Variants in HS3ST3A1 observed in about 807,000 individuals in gnomAD.
The protein encoded by HS3ST3A1 is heparan sulfate-glucosamine 3-sulfotransferase 3A1, also known as heparan sulfate glucosamine 3-O-sulfotransferase 3A1.
Under a neutral mutation model 25.7 loss-of-function variants are expected in HS3ST3A1, and 19 were observed. The observed-to-expected ratio is 0.74, with a 90% CI of 0.52 to 1.08. HS3ST3A1 has a LOEUF of 1.08. Ranked by LOEUF, HS3ST3A1 falls within the 50% of genes least tolerant of loss-of-function variation. The probability of loss-of-function intolerance (pLI) is 0.00; values close to 1 mark genes in which losing one functional copy is unlikely to be tolerated. For missense variants in HS3ST3A1, 459 were observed against 594.3 expected (o/e 0.77, Z 2.37); for synonymous variants, 226 against 278.6 (o/e 0.81, Z 1.88).
At chr17:13,577,068 G>A (rs868606942) in intron 1 of HS3ST3A1, among the ~76,000 whole-genome samples, 27 of 152,324 alleles carry the variant, frequency 1.8e-4, no homozygotes, top group African/African-American at 6.5e-4. Flanking sequence ...ACAAGAGGGC[G>A]TGTGCAGGGG....
At chr17:13,539,392 G>A (rs554438880) in intron 1 of HS3ST3A1, among the ~76,000 whole-genome samples, 24 of 152,326 alleles carry the variant, frequency 1.6e-4, no homozygotes, top group African/African-American at 4.3e-4. Flanking sequence ...ACAGTCAACC[G>A]TACTAGCTCC....
chr17:13,567,353 G>A (rs112560374), intron 1 of HS3ST3A1, among the ~76,000 whole-genome samples: 2,596 of 152,210 alleles, frequency 0.017, 77 homozygotes, highest in African/African-American at 0.057. Flanking sequence ...AGATCTCTGA[G>A]GTATAAGATG....
At chr17:13,532,878 C>CGTGTGT (rs113095368) in intron 1 of HS3ST3A1, among the ~76,000 whole-genome samples, 2,404 of 139,318 alleles carry the variant, frequency 0.017, 61 homozygotes, top group African/African-American at 0.057. Flanking sequence ...AATACATATA[C>CGTGTGT]GTGTGTGTGT....
chr17:13,510,894 C>T (rs772788950), intron 1 of HS3ST3A1, among the ~76,000 whole-genome samples: 5 of 152,148 alleles, frequency 3.3e-5, no homozygotes, highest in Non-Finnish European at 5.9e-5. Flanking sequence ...AAAGGAGAAA[C>T]ATTTTGTCTC....
chr17:13,526,355 A>T (rs1906418629), intron 1 of HS3ST3A1, among the ~76,000 whole-genome samples: 1 of 150,978 alleles, frequency 6.6e-6, no homozygotes, highest in African/African-American at 2.4e-5. Context: ...TCCGTTACTG[A>T]CAGTGCTTTT....
intron 1 of HS3ST3A1, among the ~76,000 whole-genome samples, chr17:13,562,040 A>G (rs560805370): frequency 6.6e-6 from 1 of 152,154 alleles, no homozygotes; most frequent in East Asian, 1.9e-4. Context: ...TGTCCCTTAT[A>G]AACGGTTGAA....
chr17:13,496,526 A>T lies in HS3ST3A1; in HGVS notation c.892T>A (p.Trp298Arg). Residue 298 changes from tryptophan (W) to arginine (R), a missense_variant, in exon 2 of 2, where the codon TGG (tryptophan) becomes AGG (arginine). Trp to Arg is a moderately radical substitution (Grantham distance 101, BLOSUM62 -3). This residue lies in a region of HS3ST3A1 where 67 missense variants were observed against 231.4 expected (regional missense o/e 0.29). Coordinates refer to ENST00000284110, the MANE Select transcript of HS3ST3A1 (RefSeq NM_006042.3). ...IGIYAKHLEH[W>R]LRHFPIRQML... ...TGGCGGATGGGGAAGTGGCGCAGCC[A>T]GTGCTCCAGGTGCTTGGCGTAGATG... 1 of 1,498,074 alleles carries T rather than the reference A, an allele frequency of 6.7e-7. No individual in the cohort carries two copies. 92.8% of individuals were successfully genotyped at this position (1,498,074 alleles called of 1,614,324 possible).
chr17:13,588,169 C>G (rs996113795), intron 1 of HS3ST3A1, among the ~76,000 whole-genome samples: 2 of 152,052 alleles, frequency 1.3e-5, no homozygotes, highest in African/African-American at 4.8e-5. Context: ...ATTTACATAT[C>G]GTCTGTGGCT....
At chr17:13,533,722 C>T (rs1479493482) in intron 1 of HS3ST3A1, among the ~76,000 whole-genome samples, 3 of 152,002 alleles carry the variant, frequency 2.0e-5, no homozygotes, top group Non-Finnish European at 2.9e-5. Flanking sequence ...CAAAAAGAAA[C>T]AGAACCAAAC....
At chr17:13,578,412 A>C (rs1444186477) in intron 1 of HS3ST3A1, among the ~76,000 whole-genome samples, 1 of 143,988 alleles carries the variant, frequency 6.9e-6, no homozygotes, top group Non-Finnish European at 1.5e-5. Flanking sequence ...AAAAAAAAAA[A>C]ATTAGCTGGG....
At chr17:13,588,880 T>C (rs867349073) in intron 1 of HS3ST3A1, among the ~76,000 whole-genome samples, 23 of 152,144 alleles carry the variant, frequency 1.5e-4, no homozygotes, top group Non-Finnish European at 3.1e-4. Flanking sequence ...GAGACGGGGT[T>C]TCACCGTGTT....
At chr17:13,582,733 G>A (rs1468866753) in intron 1 of HS3ST3A1, among the ~76,000 whole-genome samples, 2 of 152,012 alleles carry the variant, frequency 1.3e-5, no homozygotes, top group Non-Finnish European at 2.9e-5. Flanking sequence ...TGATTTTCAT[G>A]CTTTCTTTCC....
At chr17:13,532,932 T>C (rs1906652919) in intron 1 of HS3ST3A1, among the ~76,000 whole-genome samples, 2 of 150,808 alleles carry the variant, frequency 1.3e-5, no homozygotes, top group Admixed American at 1.3e-4. Flanking sequence ...CACACATGCT[T>C]TGACTTATGA....
intron 1 of HS3ST3A1, among the ~76,000 whole-genome samples, chr17:13,503,336 A>G (rs1905549713): frequency 6.6e-6 from 1 of 152,228 alleles, no homozygotes; most frequent in African/African-American, 2.4e-5. Context: ...ACAGCTAGAT[A>G]GGAGGAATAA....
Position 13,496,679 on chromosome 17 carries a change from T to A in HS3ST3A1, c.739A>T (p.Thr247Ser), listed in dbSNP as rs369960976. Reference protein sequence around the residue: ...KLIVVVRDPVTRAISDYTQTL... With the variant: ...KLIVVVRDPVSRAISDYTQTL... ...TGCGTGTAGTCCGAGATGGCCCTGG[T>A]CACCGGGTCCCGCACCACCACGATG... Residue 247 changes from threonine to serine, a missense_variant, in exon 2 of 2, where the codon ACC becomes TCC. By Grantham distance (58) the Thr-to-Ser change is moderately conservative. This residue lies in a region of HS3ST3A1 where 67 missense variants were observed against 231.4 expected (regional missense o/e 0.29). Transcript: ENST00000284110. 1.9e-4 allele frequency: 312 copies of A among 1,613,862 alleles called. No individual in the cohort carries two copies. In the Middle Eastern group the frequency reaches 2.1e-3, roughly 11 times the overall value.
At chr17:13,564,472 C>T (rs778625651) in intron 1 of HS3ST3A1, among the ~76,000 whole-genome samples, 2 of 152,114 alleles carry the variant, frequency 1.3e-5, no homozygotes, top group Non-Finnish European at 2.9e-5. Context: ...TATAAAATGG[C>T]ATGGTATTTG....
intron 1 of HS3ST3A1, among the ~76,000 whole-genome samples, chr17:13,549,459 ATTG>A (rs1336828582): frequency 6.6e-6 from 1 of 152,202 alleles, no homozygotes; most frequent in Non-Finnish European, 1.5e-5. Context: ...CATAGTTGTT[ATTG>A]CATTGCACTG....
At position 13,575,334 on chromosome 17, in the gene HS3ST3A1, C is replaced by A. The variant is rs146082912; in HGVS notation, c.599+25197G>T. 4.6e-4 allele frequency among the ~76,000 whole-genome samples: 70 copies of A among 152,266 alleles called. No individual in the cohort carries two copies. In the East Asian group the frequency reaches 0.012, roughly 26 times the overall value. ...GGTCAGAAAGACATGAAATTCTCAG[C>A]CTCAATTTTGATTTCATAATTTGCC... On this transcript the variant is annotated intron_variant, in intron 1 of 1. Transcript: ENST00000284110.
chr17:13,499,022 C>T (rs2142289882), intron 1 of HS3ST3A1, among the ~76,000 whole-genome samples: 1 of 149,316 alleles, frequency 6.7e-6, no homozygotes, highest in Admixed American at 6.7e-5. Context: ...CATTTGCTTT[C>T]TGTTTCTGAG....
Sources: allele counts gnomAD v4.1 joint callset (sites outside exome capture counted in the v4.1 genomes callset), GRCh38; gene constraint gnomAD v4.1.1; regional missense constraint gnomAD v4.1.1; transcripts MANE v1.5; gene names NCBI Gene and HGNC (gene_info 2026-07-23, HGNC 2026-07-21).